KIRREL3: variants seen among roughly 807,000 people sequenced by gnomAD.
The protein encoded by KIRREL3 is kin of IRRE-like protein 3.
KIRREL3 carries 36 observed loss-of-function variants against 89.7 expected under a neutral mutation model. The observed-to-expected ratio is 0.40, with a 90% CI of 0.31 to 0.53. The LOEUF (loss-of-function observed/expected upper bound fraction) is 0.53. Among genes scored for constraint, KIRREL3 ranks in the 20% least tolerant of loss-of-function variants. KIRREL3 has a pLI of 0.49. For synonymous variants in KIRREL3, 445 were observed against 441.4 expected (o/e 1.01, Z -0.10); for missense variants, 864 against 1,056.6 (o/e 0.82, Z 2.53).
At chr11:126,834,287 C>T (rs1230483129) in intron 1 of KIRREL3, among the ~76,000 whole-genome samples, 3 of 152,306 alleles carry the variant, frequency 2.0e-5, no homozygotes, top group South Asian at 4.1e-4. Context: ...CCTTTGATTT[C>T]TTTCCAGGGC....
At chr11:126,845,563 C>T (rs1944110698) in intron 1 of KIRREL3, among the ~76,000 whole-genome samples, 1 of 152,062 alleles carries the variant, frequency 6.6e-6, no homozygotes, top group Non-Finnish European at 1.5e-5. Context: ...TCAAGATGGC[C>T]CGGAAAACTG....
intron 1 of KIRREL3, among the ~76,000 whole-genome samples, chr11:126,975,929 TCCCTCCCTC>T (rs1949560122): frequency 1.8e-5 from 1 of 56,982 alleles, no homozygotes; most frequent in African/African-American, 7.0e-5. Flanking sequence ...CCTCCCTCCC[TCCCTCCCTC>T]CCTTCCTTCC....
intron 1 of KIRREL3, among the ~76,000 whole-genome samples, chr11:126,634,373 C>A (rs1013706133): frequency 6.6e-6 from 1 of 152,208 alleles, no homozygotes; most frequent in Non-Finnish European, 1.5e-5. Context: ...TGTATTGTAC[C>A]GCTGGCCAGT....
chr11:126,534,245 C>T (rs1188557219), intron 2 of KIRREL3, among the ~76,000 whole-genome samples: 2 of 100,620 alleles, frequency 2.0e-5, no homozygotes, highest in Non-Finnish European at 3.8e-5. Flanking sequence ...CCCAGGGCTG[C>T]AAGGGGGCTA....
intron 1 of KIRREL3, among the ~76,000 whole-genome samples, chr11:126,863,575 G>A (rs1944809084): frequency 6.7e-6 from 1 of 150,290 alleles, no homozygotes; most frequent in Non-Finnish European, 1.5e-5. Flanking sequence ...GTGTTTGACT[G>A]CGTGTGAGTG....
rs1042344363 is a variant in KIRREL3, at chr11:126,877,168, T to C, written c.55+123287A>G. On this transcript the variant is annotated intron_variant, in intron 1 of 16. Transcript: ENST00000525144. The surrounding 1 kb of genome is among the most constrained non-coding windows in gnomAD (Gnocchi z 4.9). Reference sequence around the variant, plus strand: ...ACGTTCAGCTCTGTTAAGAGACCATTGATTGAGGAGCACTGTTATGCCTCT... The same window carrying C: ...ACGTTCAGCTCTGTTAAGAGACCATCGATTGAGGAGCACTGTTATGCCTCT... Among the ~76,000 whole-genome samples the C allele has an allele frequency of 3.3e-5, 5 of 152,080 alleles. No homozygotes were observed. Among genetic ancestry groups the C allele is most frequent in the Non-Finnish European group, 7.4e-5 (5 of 68,008 alleles).
Position 126,594,787 on chromosome 11 carries a change from G to A in KIRREL3, c.56-31875C>T, listed in dbSNP as rs1459472177. Among the ~76,000 whole-genome samples, 1 of 152,248 alleles carries A rather than the reference G, an allele frequency of 6.6e-6. No individual in the cohort carries two copies. The highest frequency in any genetic ancestry group is 1.5e-5 in the Non-Finnish European group (1 of 68,038). On this transcript the variant is annotated intron_variant, in intron 1 of 16. Transcript: ENST00000525144. The surrounding 1 kb of genome is among the most constrained non-coding windows in gnomAD (Gnocchi z 5.0). Reference sequence around the variant, plus strand: ...ACATAGAAGGGGTTGTTTTCCTAAAGCTCATATAAAATTCTGAAGCCTCAG... The same window carrying A: ...ACATAGAAGGGGTTGTTTTCCTAAAACTCATATAAAATTCTGAAGCCTCAG...
chr11:126,688,737 G>A (rs1319007690), intron 1 of KIRREL3, among the ~76,000 whole-genome samples: 3 of 152,126 alleles, frequency 2.0e-5, no homozygotes, highest in African/African-American at 7.2e-5. Context: ...AAGCCCTGTT[G>A]CTGTCCCAGT....
At chr11:126,770,544 G>A (rs897695488) in intron 1 of KIRREL3, among the ~76,000 whole-genome samples, 3 of 152,186 alleles carry the variant, frequency 2.0e-5, no homozygotes, top group African/African-American at 7.2e-5. Context: ...GTTGTAAAAC[G>A]GAAGGCGAAG....
At position 126,523,304 on chromosome 11, in the gene KIRREL3, C is replaced by T. The variant is rs938714625; in HGVS notation, c.284-1840G>A. Among the ~76,000 whole-genome samples, 4 of 152,140 alleles carry T rather than the reference C, an allele frequency of 2.6e-5. No homozygotes were observed. The highest frequency in any genetic ancestry group is 5.9e-5 in the Non-Finnish European group (4 of 68,032). On this transcript the variant is annotated intron_variant, in intron 3 of 16. Coordinates refer to ENST00000525144, the MANE Select transcript of KIRREL3 (RefSeq NM_032531.4). This position sits in a 1 kb window ranked among gnomAD's most constrained non-coding sequence, Gnocchi z 4.9. ...ACTAGAGGAGCTTGAAGGCCCCTCT[C>T]ACCACCATAAGTGAAGGTTCTTCTG...
intron 1 of KIRREL3, among the ~76,000 whole-genome samples, chr11:126,591,564 G>T (rs1942133012): frequency 6.6e-6 from 1 of 152,192 alleles, no homozygotes; most frequent in Non-Finnish European, 1.5e-5. Flanking sequence ...GTGTATACCA[G>T]CCATGCTCTG....
Position 126,959,199 on chromosome 11 carries a change from A to G in KIRREL3, c.55+41256T>C, listed in dbSNP as rs138126525. On this transcript the variant is annotated intron_variant, in intron 1 of 16. Transcript: ENST00000525144. ...GCTCTTCTGGGTCTCTAGCTTTCCA[A>G]CTGCAGATCTGGATATTTCTCAGCC... Among the ~76,000 whole-genome samples, 763 of 152,308 alleles carry G rather than the reference A, an allele frequency of 5.0e-3. 7 individuals are homozygous for G. Among genetic ancestry groups the G allele is most frequent in the African/African-American group, 0.018 (729 of 41,560 alleles).
intron 1 of KIRREL3, among the ~76,000 whole-genome samples, chr11:126,631,124 TATTCATTCATTCATTCATTC>T (rs201430801): frequency 3.7e-5 from 4 of 106,758 alleles, no homozygotes; most frequent in African/African-American, 6.8e-5. Context: ...TGTATGTATG[TATTCATTCATTCATTCATTC>T]ATTCATTCAT....
chr11:126,866,658 C>CA (rs1378685875), intron 1 of KIRREL3, among the ~76,000 whole-genome samples: 8 of 151,736 alleles, frequency 5.3e-5, no homozygotes, highest in Non-Finnish European at 1.2e-4. Context: ...TGCCCCCCCA[C>CA]ACACACTGAC....
intron 1 of KIRREL3, among the ~76,000 whole-genome samples, chr11:126,714,656 G>A (rs1394337693): frequency 1.3e-5 from 2 of 152,142 alleles, no homozygotes; most frequent in Non-Finnish European, 1.5e-5. Context: ...AGAGTTGCAC[G>A]GTGGGCTGAC....
intron 1 of KIRREL3, among the ~76,000 whole-genome samples, chr11:126,720,056 G>A (rs748746797): frequency 3.9e-5 from 6 of 152,106 alleles, no homozygotes; most frequent in Non-Finnish European, 2.9e-5. Context: ...CAACCTGCAG[G>A]CTCCCTCTTC....
intron 9 of KIRREL3, among the ~76,000 whole-genome samples, chr11:126,446,492 C>G (rs1591546302): frequency 6.6e-6 from 1 of 152,148 alleles, no homozygotes; most frequent in East Asian, 1.9e-4. Context: ...CTAGTGCCTT[C>G]CCTCCCAGCA....
Position 126,886,041 on chromosome 11 carries a change from A to G in KIRREL3, c.55+114414T>C, listed in dbSNP as rs193271747. On this transcript the variant is annotated intron_variant, in intron 1 of 16. Transcript: ENST00000525144. Reference sequence around the variant, plus strand: ...TTCTCATCTGCTCTTCTCTAGCTCAATGTCTTGACTCTTTTCCACTCTTTT... The same window carrying G: ...TTCTCATCTGCTCTTCTCTAGCTCAGTGTCTTGACTCTTTTCCACTCTTTT... 4.8e-3 allele frequency among the ~76,000 whole-genome samples: 728 copies of G among 152,274 alleles called. 17 individuals carry two copies. Among genetic ancestry groups the G allele is most frequent in the Admixed American group, 0.042 (635 of 15,294 alleles).
intron 1 of KIRREL3, among the ~76,000 whole-genome samples, chr11:126,781,579 C>T (rs916506278): frequency 1.3e-5 from 2 of 152,138 alleles, no homozygotes; most frequent in African/African-American, 4.8e-5. Flanking sequence ...TAAGGTTCCT[C>T]CTCACACTAA....
Sources: gnomAD v4.1 joint callset for allele counts (sites outside exome capture counted in the v4.1 genomes callset) on GRCh38, gnomAD v4.1.1 for gene constraint, Gnocchi (gnomAD v3.1) non-coding constraint, MANE v1.5 for transcripts, NCBI Gene and HGNC (gene_info 2026-07-23, HGNC 2026-07-21) for gene names.